The following VSNL1 variants were observed in gnomAD, a reference collection of about 807,000 sequenced individuals.
VSNL1 encodes visinin-like protein 1.
A neutral mutation model predicts 20.4 loss-of-function variants in VSNL1; 6 were observed. The ratio of observed to expected loss-of-function variants is 0.29; its 90% CI spans 0.16 to 0.58. The LOEUF (loss-of-function observed/expected upper bound fraction) is 0.58. VSNL1 is among the 20% of genes least tolerant of loss of function. The pLI, the probability that VSNL1 is intolerant of heterozygous loss-of-function variation, is 0.90. For synonymous variants in VSNL1, 93 were observed against 86.4 expected (o/e 1.08, Z -0.42); for missense variants, 100 against 234.5 (o/e 0.43, Z 3.75).
intron 2 of VSNL1, among the ~76,000 whole-genome samples, chr2:17,645,674 C>A (rs1453193130): frequency 6.6e-6 from 1 of 152,186 alleles, no homozygotes; most frequent in East Asian, 1.9e-4. Context: ...GAAAGAAATG[C>A]AGAGTGGGGC....
chr2:17,574,505 C>T (rs147841825), intron 1 of VSNL1, among the ~76,000 whole-genome samples: 10 of 152,300 alleles, frequency 6.6e-5, no homozygotes, highest in African/African-American at 2.4e-4. Context: ...AATATTCCAG[C>T]TGAAAATTCT....
intron 1 of VSNL1, 59 bp from the exon 2 acceptor site, chr2:17,592,011 A>G: frequency 6.2e-7 from 1 of 1,602,574 alleles, no homozygotes; most frequent in Middle Eastern, 1.8e-4. Flanking sequence ...CTTGGCTCCT[A>G]ACCAAGTTTG....
At chr2:17,611,326 G>C (rs1665080757) in intron 2 of VSNL1, among the ~76,000 whole-genome samples, 1 of 152,198 alleles carries the variant, frequency 6.6e-6, no homozygotes, top group Non-Finnish European at 1.5e-5. Context: ...ACATTTCCCA[G>C]CTCTGACTCT....
intron 1 of VSNL1, among the ~76,000 whole-genome samples, chr2:17,552,522 C>T (rs924532126): frequency 4.6e-5 from 7 of 152,008 alleles, no homozygotes; most frequent in African/African-American, 1.7e-4. Context: ...CCCCATGTAC[C>T]CATCACCCAA....
intron 1 of VSNL1, chr2:17,541,485 AT>A: frequency 6.6e-6 from 1 of 152,284 alleles, no homozygotes; most frequent in Admixed American, 6.5e-5. Context: ...AAATGAGTAG[AT>A]AATTTTTTTC....
intron 1 of VSNL1, among the ~76,000 whole-genome samples, chr2:17,573,643 G>A (rs1012196053): frequency 4.6e-5 from 7 of 152,190 alleles, no homozygotes; most frequent in Non-Finnish European, 1.0e-4. Flanking sequence ...CTGAGACAGA[G>A]ATGAGGTCCT....
intron 2 of VSNL1, among the ~76,000 whole-genome samples, chr2:17,645,210 C>G (rs761430914): frequency 6.6e-6 from 1 of 152,250 alleles, no homozygotes; most frequent in Non-Finnish European, 1.5e-5. Flanking sequence ...GAGAGGCATC[C>G]TCCGAAGTAG....
chr2:17,616,416 T>C (rs1315534675), intron 2 of VSNL1, among the ~76,000 whole-genome samples: 1 of 152,176 alleles, frequency 6.6e-6, no homozygotes, highest in Non-Finnish European at 1.5e-5. Flanking sequence ...TCATGAAGGG[T>C]TATGAAATGG....
intron 2 of VSNL1, among the ~76,000 whole-genome samples, chr2:17,644,300 C>T (rs1665947773): frequency 6.6e-6 from 1 of 152,176 alleles, no homozygotes; most frequent in Non-Finnish European, 1.5e-5. Flanking sequence ...TGGAAAGGCC[C>T]GACCACCCCA....
At chr2:17,608,678 C>T (rs570228001) in intron 2 of VSNL1, among the ~76,000 whole-genome samples, 20 of 152,032 alleles carry the variant, frequency 1.3e-4, no homozygotes, top group South Asian at 4.2e-4. Context: ...GTCTTCATGG[C>T]GAGACTGATG....
intron 2 of VSNL1, among the ~76,000 whole-genome samples, chr2:17,601,149 C>T (rs1184186250): frequency 6.6e-6 from 1 of 152,176 alleles, no homozygotes; most frequent in Non-Finnish European, 1.5e-5. Context: ...GATGGCACCT[C>T]AACCTCTCTG....
chr2:17,642,796 A>T (rs781433163), intron 2 of VSNL1, among the ~76,000 whole-genome samples: 1 of 152,268 alleles, frequency 6.6e-6, no homozygotes. Flanking sequence ...GGGAGGCGAA[A>T]GCCCCTTCTC....
chr2:17,558,480 G>A (rs1663739600), intron 1 of VSNL1, among the ~76,000 whole-genome samples: 1 of 152,092 alleles, frequency 6.6e-6, no homozygotes, highest in Non-Finnish European at 1.5e-5. Flanking sequence ...AATTTTTACT[G>A]ACTTCATTAC....
chr2:17,571,535 T>C (rs1664084307), intron 1 of VSNL1, among the ~76,000 whole-genome samples: 2 of 152,170 alleles, frequency 1.3e-5, no homozygotes, highest in Non-Finnish European at 2.9e-5. Flanking sequence ...AAGTCATCAC[T>C]ATCAAGATAG....
rs533005100 is a variant in VSNL1, at chr2:17,604,454, G to C, written c.162+12218G>C. Among the ~76,000 whole-genome samples the C allele has an allele frequency of 1.3e-3, 193 of 152,238 alleles. 1 individual carries two copies. Among genetic ancestry groups the C allele is most frequent in the Non-Finnish European group, 2.4e-3 (161 of 68,042 alleles). ...GAGCTGGCAGTACAGATCCCAGCCA[G>C]AGCTGCCTGCCCTGAGCCCTCCACT... On this transcript the variant is annotated intron_variant, in intron 2 of 3. Transcript: ENST00000295156.
chr2:17,615,382 T>C (rs1665192433), intron 2 of VSNL1, among the ~76,000 whole-genome samples: 1 of 152,190 alleles, frequency 6.6e-6, no homozygotes. Flanking sequence ...TGAGGTGTAA[T>C]TTGATGTTTT....
intron 1 of VSNL1, among the ~76,000 whole-genome samples, chr2:17,545,059 A>G (rs1663376765): frequency 6.6e-6 from 1 of 152,174 alleles, no homozygotes; most frequent in Non-Finnish European, 1.5e-5. Context: ...CTGGAAAAGC[A>G]ATGATTTTAA....
chr2:17,640,211 CCATTG>C (rs1239503316), intron 2 of VSNL1, among the ~76,000 whole-genome samples: 1 of 150,486 alleles, frequency 6.6e-6, no homozygotes, highest in African/African-American at 2.5e-5. Flanking sequence ...CAAGATCGTG[CCATTG>C]CACTCTGGCC....
At chr2:17,588,828 T>C (rs1519473) in intron 1 of VSNL1, among the ~76,000 whole-genome samples, 16,908 of 152,166 alleles carry the variant, frequency 0.11, 1,206 homozygotes, top group African/African-American at 0.2. Flanking sequence ...TGACTCTCCT[T>C]ATATATAGAT....
Sources: allele counts gnomAD v4.1 joint callset (sites outside exome capture counted in the v4.1 genomes callset), GRCh38; gene constraint gnomAD v4.1.1; transcripts MANE v1.5; gene names NCBI Gene and HGNC (gene_info 2026-07-23, HGNC 2026-07-21).